The following TLN2 variants were observed in gnomAD, a reference collection of about 807,000 sequenced individuals.
TLN2 encodes talin 2.
A neutral mutation model predicts 294.7 loss-of-function variants in TLN2; 118 were observed. The observed-to-expected ratio is 0.40, with a 90% CI of 0.34 to 0.47. TLN2 has a LOEUF of 0.47. Ranked by LOEUF, TLN2 falls within the 20% of genes least tolerant of loss-of-function variation. The pLI, the probability that TLN2 is intolerant of heterozygous loss-of-function variation, is 0.84. For synonymous variants in TLN2, 1,431 were observed against 1,304.5 expected (o/e 1.10, Z -2.09); for missense variants, 3,083 against 3,282.2 (o/e 0.94, Z 1.48).
At chr15:62,800,839 A>G in intron 50 of TLN2, 70 bp downstream of exon 50, 1 of 1,346,062 alleles carries the variant, frequency 7.4e-7, no homozygotes, top group East Asian at 2.4e-5. Context: ...GGCTCATTTG[A>G]GGTTTTTTAC....
Position 62,833,579 on chromosome 15 carries a change from C to T in TLN2, c.7078C>T (p.Leu2360=). 1 of 1,614,172 alleles carries T rather than the reference C, an allele frequency of 6.2e-7. No individual in the cohort carries two copies. The highest frequency in any genetic ancestry group is 8.5e-7 in the Non-Finnish European group (1 of 1,180,030). The part of the protein sequence containing the change: ...AKSIAAATSA[L]VKSASAAQRE... ...ATCCATTGCTGCTGCCACAAGCGCC[C>T]TGGTCAAATCGGCCTCAGCAGCCCA... is the stretch of plus-strand genomic sequence containing the variant. Residue 2360 remains leucine, a synonymous_variant, in exon 55 of 59, where the codon CTG becomes TTG. Transcript: ENST00000636159.
At chr15:62,776,978 C>T in intron 43 of TLN2, 68 bp downstream of exon 43, 1 of 1,333,878 alleles carries the variant, frequency 7.5e-7, no homozygotes. Context: ...GTGCTTTTCT[C>T]TAAGCTGTCA....
intron 2 of TLN2, among the ~76,000 whole-genome samples, chr15:62,609,016 G>A (rs1451671689): frequency 1.3e-5 from 2 of 152,074 alleles, no homozygotes; most frequent in Non-Finnish European, 2.9e-5. Context: ...TAGAGGCCGG[G>A]CACTAGCCTG....
intron 42 of TLN2, 141 bp from the exon 43 acceptor site, chr15:62,776,623 T>C: frequency 1.2e-6 from 1 of 842,162 alleles, no homozygotes; most frequent in Non-Finnish European, 1.6e-6. Flanking sequence ...TGGCCAAACA[T>C]AAAGAAAGGG....
At position 62,533,253 on chromosome 15, in the gene TLN2, CA is replaced by C. The variant is rs10650730; in HGVS notation, c.-237-56410del. ...TCGGTGACAGAGTGAGACTCTGTCT[CA>C]AAAAAAAAAAAAAAAAAAAAAAAGT... On this transcript the variant is annotated intron_variant, in intron 1 of 58. Transcript: ENST00000636159. Among the ~76,000 whole-genome samples, 161 of 51,404 alleles carry C rather than the reference CA, an allele frequency of 3.1e-3. 1 individual carries two copies. Among genetic ancestry groups the C allele is most frequent in the Middle Eastern group, 0.013 (1 of 80 alleles). The allele number at this position is 51,404 out of a possible 152,430, so 33.7% of individuals were successfully genotyped here.
At chr15:62,832,106 A>ATAT (rs1555524776) in intron 54 of TLN2, 1 of 26,908 alleles carries the variant, frequency 3.7e-5, no homozygotes, top group Non-Finnish European at 7.7e-5. Flanking sequence ...CCAATATACG[A>ATAT]TCTTTTTTTT....
chr15:62,589,625 A>G (rs1300712226), intron 1 of TLN2, 62 bp from the exon 2 acceptor site: 1 of 152,174 alleles, frequency 6.6e-6, no homozygotes, highest in Non-Finnish European at 1.5e-5. Flanking sequence ...GACCAAATGT[A>G]TAGATTGAGA....
chr15:62,576,888 G>C (rs1369961634), intron 1 of TLN2, among the ~76,000 whole-genome samples: 1 of 152,152 alleles, frequency 6.6e-6, no homozygotes, highest in Admixed American at 6.5e-5. Flanking sequence ...AGGGGCTCAT[G>C]TAGGCGAGTG....
At chr15:62,769,547 A>G (rs2063222563) in intron 41 of TLN2, among the ~76,000 whole-genome samples, 1 of 152,246 alleles carries the variant, frequency 6.6e-6, no homozygotes, top group South Asian at 2.1e-4. Context: ...TAGAGGAAAT[A>G]ACAATGTAAA....
chr15:62,656,386 A>G (rs538185661), intron 8 of TLN2, among the ~76,000 whole-genome samples: 2 of 152,192 alleles, frequency 1.3e-5, no homozygotes, highest in Non-Finnish European at 2.9e-5. Context: ...TAACTGGCTC[A>G]CCATTTCAAG....
At chr15:62,425,201 C>T (rs546416625) in intron 1 of TLN2, among the ~76,000 whole-genome samples, 4 of 152,150 alleles carry the variant, frequency 2.6e-5, no homozygotes, top group African/African-American at 4.8e-5. Flanking sequence ...GATCCGCTTG[C>T]CTCTGCCTCC....
chr15:62,600,180 C>T (rs1210792758), intron 2 of TLN2, among the ~76,000 whole-genome samples: 2 of 152,066 alleles, frequency 1.3e-5, no homozygotes, highest in East Asian at 1.9e-4. Context: ...TTTTCTGTCA[C>T]CTAGAATGAA....
At chr15:62,740,341 C>G in intron 31 of TLN2, 1 of 310,934 alleles carries the variant, frequency 3.2e-6, no homozygotes, top group Non-Finnish European at 6.0e-6. Flanking sequence ...CTCCTCCCAC[C>G]CTGCTCCCCG....
chr15:62,750,017 T>C (rs772025856), intron 33 of TLN2, among the ~76,000 whole-genome samples: 18 of 152,234 alleles, frequency 1.2e-4, no homozygotes, highest in Non-Finnish European at 2.2e-4. Flanking sequence ...ATGAATGGCC[T>C]TTTGAAATTT....
intron 37 of TLN2, among the ~76,000 whole-genome samples, chr15:62,761,035 C>T (rs2141019981): frequency 6.6e-6 from 1 of 152,284 alleles, no homozygotes; most frequent in Non-Finnish European, 1.5e-5. Flanking sequence ...TGGAATTGTA[C>T]AGGAGGCACC....
intron 32 of TLN2, among the ~76,000 whole-genome samples, chr15:62,745,646 C>T (rs2140982099): frequency 6.6e-6 from 1 of 152,298 alleles, no homozygotes; most frequent in East Asian, 1.9e-4. Context: ...TAATATGCTA[C>T]ACACTGACTT....
intron 11 of TLN2, among the ~76,000 whole-genome samples, chr15:62,679,294 A>G (rs1321709491): frequency 1.3e-5 from 2 of 152,224 alleles, no homozygotes; most frequent in African/African-American, 4.8e-5. Context: ...AAGAAAATTG[A>G]AAGTGTATAT....
intron 16 of TLN2, among the ~76,000 whole-genome samples, chr15:62,699,256 C>T (rs1189456786): frequency 6.6e-6 from 1 of 152,180 alleles, no homozygotes; most frequent in African/African-American, 2.4e-5. Flanking sequence ...CAGCCCCTCG[C>T]ACATAGTAAG....
At chr15:62,728,125 C>T (rs2060534405) in intron 28 of TLN2, among the ~76,000 whole-genome samples, 1 of 152,180 alleles carries the variant, frequency 6.6e-6, no homozygotes, top group Non-Finnish European at 1.5e-5. Flanking sequence ...TGTGCCCCCT[C>T]CCAATCACTG....
Sources: gnomAD v4.1 joint callset for allele counts (sites outside exome capture counted in the v4.1 genomes callset) on GRCh38, gnomAD v4.1.1 for gene constraint, MANE v1.5 for transcripts, NCBI Gene and HGNC (gene_info 2026-07-23, HGNC 2026-07-21) for gene names.